Variants in WDR73 observed in about 807,000 individuals in gnomAD.
The protein encoded by WDR73 is integrator complex assembly factor WDR73.
Under a neutral mutation model 38.2 loss-of-function variants are expected in WDR73, and 30 were observed. The ratio of observed to expected loss-of-function variants is 0.79; its 90% CI spans 0.59 to 1.06. The LOEUF (loss-of-function observed/expected upper bound fraction) is 1.06, where lower values mean the gene tolerates loss of function less well. Ranked by LOEUF, WDR73 falls within the 50% of genes least tolerant of loss-of-function variation. WDR73 has a pLI of 0.00. For missense variants in WDR73, 487 were observed against 467.0 expected (o/e 1.04, Z -0.40); for synonymous variants, 197 against 176.0 (o/e 1.12, Z -0.94).
chr15:84,644,597 T>TTTTTTA (rs1288131873), intron 7 of WDR73: 1 of 145,524 alleles, frequency 6.9e-6, no homozygotes, highest in Non-Finnish European at 1.5e-5. Context: ...TTTTTTTTTT[T>TTTTTTA]GAGACAGAGT....
chr15:84,643,767 T>C, intron 7 of WDR73, 44 bp from the exon 8 acceptor site: 2 of 1,526,846 alleles, frequency 1.3e-6, no homozygotes, highest in Non-Finnish European at 1.7e-6. Context: ...GTCCCTAATT[T>C]TATTTTAAAA....
At chr15:84,647,750 G>T in intron 5 of WDR73, 140 bp downstream of exon 5, 2 of 787,456 alleles carry the variant, frequency 2.5e-6, no homozygotes, top group Non-Finnish European at 4.4e-6. Flanking sequence ...ACCCAGCTCA[G>T]CCTCCCAAAG....
At chr15:84,653,905 A>T (rs895345461) in intron 1 of WDR73, 4 of 606,606 alleles carry the variant, frequency 6.6e-6, no homozygotes, top group Non-Finnish European at 1.2e-5. Flanking sequence ...TGGACGTCCC[A>T]GGGTACCCAG....
intron 4 of WDR73, 137 bp downstream of exon 4, chr15:84,648,400 T>A (rs763508271): frequency 1.2e-5 from 8 of 673,856 alleles, no homozygotes; most frequent in Non-Finnish European, 2.1e-5. Flanking sequence ...TGTATCTGTG[T>A]GCACACACTT....
At chr15:84,643,854 C>T (rs756544337) in intron 7 of WDR73, 131 bp from the exon 8 acceptor site, 5 of 1,108,378 alleles carry the variant, frequency 4.5e-6, no homozygotes, top group South Asian at 1.9e-5. Context: ...TAGCCTCAAG[C>T]GATCCTCCCA....
intron 4 of WDR73, 153 bp from the exon 5 acceptor site, chr15:84,648,107 T>C (rs1673703215): frequency 1.4e-6 from 1 of 699,278 alleles, no homozygotes; most frequent in African/African-American, 1.8e-5. Flanking sequence ...ATTTCACAGA[T>C]AAGGAGCAGG....
chr15:84,645,962 A>C, intron 6 of WDR73, 126 bp from the exon 7 acceptor site: 1 of 1,549,768 alleles, frequency 6.5e-7, no homozygotes, highest in Non-Finnish European at 8.7e-7. Flanking sequence ...CTCCCTTCCC[A>C]CTCATCTCAC....
At position 84,640,665 on chromosome 15, in the gene WDR73, C is replaced by G; in HGVS notation, c.*2805G>C. The G allele has an allele frequency of 6.6e-6, 1 of 152,218 alleles. No homozygotes were observed. The highest frequency in any genetic ancestry group is 1.5e-5 in the Non-Finnish European group (1 of 68,062). The allele number at this position is 152,218 out of a possible 1,614,324, so 9.4% of individuals were successfully genotyped here. Reference sequence around the variant, plus strand: ...GAGCTGTGATCATGCCACTGCATTCCAGCCTGGGCGACAGAGTGAGACCCA... The same window carrying G: ...GAGCTGTGATCATGCCACTGCATTCGAGCCTGGGCGACAGAGTGAGACCCA... On this transcript the variant is annotated 3_prime_UTR_variant, in exon 8 of 8. Transcript: ENST00000434634.
At chr15:84,643,990 G>GC (rs1477323683) in intron 7 of WDR73, 1 of 351,482 alleles carries the variant, frequency 2.8e-6, no homozygotes, top group Non-Finnish European at 5.2e-6. Flanking sequence ...CTAACCACGG[G>GC]CAAGTAGCAT....
rs372827528 is a variant in WDR73, at chr15:84,650,396, C to CT, written c.199-1772dup. ...CTTTTTTTTGAGACGGAGTCTCACT[C>CT]TGTCACCCAGGCTGGATGCAGTGGC... is the stretch of plus-strand genomic sequence containing the variant. On this transcript the variant is annotated intron_variant, in intron 3 of 7. Coordinates refer to ENST00000434634, the MANE Select transcript of WDR73 (RefSeq NM_032856.5). Among the ~76,000 whole-genome samples, 36 of 152,234 alleles carry CT rather than the reference C, an allele frequency of 2.4e-4. 1 individual carries two copies. The highest frequency in any genetic ancestry group is 8.7e-4 in the African/African-American group (36 of 41,538).
rs748508589 is a variant in WDR73 at position 84,640,426 on chromosome 15, C to T, written c.*3044G>A. On this transcript the variant is annotated 3_prime_UTR_variant, in exon 8 of 8. Transcript: ENST00000434634. ...GGCTCACAAAGACCACTTTGAGGCT[C>T]TTGCTCTGCTCTTTAGCCAAGGAGT... The T allele has an allele frequency of 2.6e-5, 4 of 152,242 alleles. No homozygotes were observed. The highest frequency in any genetic ancestry group is 5.9e-5 in the Non-Finnish European group (4 of 68,042). The allele number at this position is 152,242 out of a possible 1,614,324, so 9.4% of individuals were successfully genotyped here.
chr15:84,650,647 C>T (rs1896593868), intron 3 of WDR73, among the ~76,000 whole-genome samples: 1 of 152,144 alleles, frequency 6.6e-6, no homozygotes, highest in Admixed American at 6.5e-5. Flanking sequence ...GTGTGAGCCA[C>T]GCGCCTGGCC....
Position 84,646,327 on chromosome 15 carries a change from G to T in WDR73, c.374C>A (p.Thr125Asn). The change falls in exon 6 of 8, where the codon ACC becomes AAC. Residue 125 changes from threonine (T) to asparagine (N), a missense_variant. By Grantham distance (65) the Thr-to-Asn change is moderately conservative. Transcript: ENST00000434634. ...EDSDVIKAVS[T>N]IAVHEKEESL... The stretch of plus-strand genomic sequence containing the variant: ...CTCCTCTTTCTCATGCACAGCAATG[G>T]TGCTGACAGCTTTAATGACATCTAG... The T allele has an allele frequency of 1.2e-6, 2 of 1,613,164 alleles. No individual in the cohort carries two copies. Among genetic ancestry groups the T allele is most frequent in the Non-Finnish European group, 1.7e-6 (2 of 1,179,308 alleles).
Position 84,648,577 on chromosome 15 carries a change from C to T in WDR73, c.247G>A (p.Asp83Asn), listed in dbSNP as rs1896533996. ...DFKVRHGGFS[D>N]RSIFDLKHVP... ...TGCTTTAGATCAAAGATAGACCTGT[C>T]TGAAAATCCTCCATGGCGCACTTTG... The change falls in exon 4 of 8, where the codon GAC (aspartate) becomes AAC (asparagine). Residue 83 changes from aspartate to asparagine, a missense_variant. Coordinates refer to ENST00000434634, the MANE Select transcript of WDR73 (RefSeq NM_032856.5). The T allele has an allele frequency of 1.9e-6, 3 of 1,613,938 alleles. No homozygotes were observed. The highest frequency in any genetic ancestry group is 2.5e-6 in the Non-Finnish European group (3 of 1,179,860).
chr15:84,645,203 G>C, intron 7 of WDR73: 2 of 1,333,252 alleles, frequency 1.5e-6, no homozygotes, highest in Non-Finnish European at 1.9e-6. Flanking sequence ...GTCTGTCCCA[G>C]TGTCTTACTG....
Position 84,645,688 on chromosome 15 carries a change from A to T in WDR73, c.666T>A (p.Gly222=). The change falls in exon 7 of 8, where the codon GGT becomes GGA. Residue 222 remains glycine (G), a synonymous_variant. Transcript: ENST00000434634. The part of the protein sequence containing the change: ...LENRSPGPGS[G]GERWCAEVGS... ...CAACTTCAGCACACCATCTCTCTCC[A>T]CCAGACCCAGGGCCAGGGCTGCGAT... 6.2e-7 allele frequency: 1 copy of T among 1,608,270 alleles called. No homozygotes were observed. Among genetic ancestry groups the T allele is most frequent in the Non-Finnish European group, 8.5e-7 (1 of 1,177,522 alleles).
Position 84,646,431 on chromosome 15 carries a change from CA to C in WDR73, c.353-84del, listed in dbSNP as rs1283378414. The C allele has an allele frequency of 2.0e-6, 3 of 1,514,360 alleles. No individual in the cohort carries two copies. The African/African-American group carries it at 4.2e-5, about 21-fold the overall frequency. 93.8% of individuals were successfully genotyped at this position (1,514,360 alleles called of 1,614,324 possible). On this transcript the variant is annotated intron_variant, in intron 5 of 7. Transcript: ENST00000434634. ...AGGCTGCCAGCTGTCTTCCCCTGTA[CA>C]TTTAGAAGATCAAGGAAGAAAAGGA...
chr15:84,646,412 C>G, intron 5 of WDR73, 64 bp from the exon 6 acceptor site: 1 of 1,553,522 alleles, frequency 6.4e-7, no homozygotes, highest in Non-Finnish European at 8.7e-7. Flanking sequence ...TGACAGGCTG[C>G]CAGCTGTCTT....
At chr15:84,653,918 T>C in intron 1 of WDR73, 1 of 604,184 alleles carries the variant, frequency 1.7e-6, no homozygotes, top group South Asian at 2.0e-5. Context: ...GTACCCAGAT[T>C]TCCCAAGGTT....
Sources: allele counts gnomAD v4.1 joint callset (sites outside exome capture counted in the v4.1 genomes callset), GRCh38; gene constraint gnomAD v4.1.1; transcripts MANE v1.5; gene names NCBI Gene and HGNC (gene_info 2026-07-23, HGNC 2026-07-21).